The following NRG1 variants were observed in gnomAD, a reference collection of about 807,000 sequenced individuals.
NRG1 encodes the protein pro-neuregulin-1, membrane-bound isoform.
NRG1 carries 18 observed loss-of-function variants against 63.8 expected under a neutral mutation model. The ratio of observed to expected loss-of-function variants is 0.28; its 90% CI spans 0.19 to 0.42. The LOEUF (loss-of-function observed/expected upper bound fraction) is 0.42. Among genes scored for constraint, NRG1 ranks in the 10% least tolerant of loss-of-function variants. NRG1 has a pLI of 1.00. For missense variants in NRG1, 762 were observed against 814.7 expected (o/e 0.94, Z 0.79); for synonymous variants, 302 against 301.3 (o/e 1.00, Z -0.02).
intron 1 of NRG1, among the ~76,000 whole-genome samples, chr8:32,039,890 G>C (rs1283212916): frequency 6.6e-6 from 1 of 152,044 alleles, no homozygotes; most frequent in Non-Finnish European, 1.5e-5. Context: ...CGGAAATGGT[G>C]GTGTGTGAAT....
chr8:32,455,295 A>G (rs1397893348), intron 1 of NRG1, among the ~76,000 whole-genome samples: 1 of 152,222 alleles, frequency 6.6e-6, no homozygotes, highest in Non-Finnish European at 1.5e-5. Context: ...TCCTACCAGC[A>G]TAACACCTGC....
At chr8:31,745,780 A>G (rs913005900) in intron 1 of NRG1, among the ~76,000 whole-genome samples, 2 of 152,002 alleles carry the variant, frequency 1.3e-5, no homozygotes, top group East Asian at 3.9e-4. Flanking sequence ...ATACCTGTAG[A>G]TAGTTAATAA....
intron 5 of NRG1, among the ~76,000 whole-genome samples, chr8:32,633,695 A>G (rs1466421744): frequency 6.6e-6 from 1 of 152,188 alleles, no homozygotes; most frequent in Non-Finnish European, 1.5e-5. Context: ...TAAATCTTCC[A>G]CTAGAATTTA....
At chr8:32,036,914 C>A (rs2130578838) in intron 1 of NRG1, among the ~76,000 whole-genome samples, 1 of 152,282 alleles carries the variant, frequency 6.6e-6, no homozygotes, top group South Asian at 2.1e-4. Flanking sequence ...TATTACCCAT[C>A]TTCTGAAGCC....
intron 1 of NRG1, among the ~76,000 whole-genome samples, chr8:32,018,113 C>A (rs80110468): frequency 6.6e-6 from 1 of 152,110 alleles, no homozygotes; most frequent in Non-Finnish European, 1.5e-5. Context: ...TGTCAAAGAC[C>A]AGATACATGT....
At chr8:32,377,266 A>G (rs2347505) in intron 1 of NRG1, among the ~76,000 whole-genome samples, 112,167 of 152,136 alleles carry the variant, frequency 0.74, 42,087 homozygotes, top group Non-Finnish European at 0.81. Context: ...ATTTACCCAA[A>G]CTTCTGATAA....
chr8:32,615,502 C>A (rs1157581667), intron 4 of NRG1, among the ~76,000 whole-genome samples: 2 of 152,140 alleles, frequency 1.3e-5, no homozygotes, highest in African/African-American at 4.8e-5. Context: ...AATGTTAAGT[C>A]ATATACCTCA....
intron 1 of NRG1, among the ~76,000 whole-genome samples, chr8:32,376,230 A>C (rs532957345): frequency 6.6e-6 from 1 of 152,226 alleles, no homozygotes; most frequent in African/African-American, 2.4e-5. Flanking sequence ...CAGGCTTCCT[A>C]ATATTCAGAG....
chr8:31,690,293 G>C (rs138613187), intron 1 of NRG1, among the ~76,000 whole-genome samples: 1 of 152,260 alleles, frequency 6.6e-6, no homozygotes, highest in East Asian at 1.9e-4. Context: ...AGCAGCATGA[G>C]AATGGACTAA....
rs561001529 is a variant in NRG1 at position 32,656,708 on chromosome 8, A to G, written c.502+39823A>G. Among the ~76,000 whole-genome samples, 5 of 152,342 alleles carry G rather than the reference A, an allele frequency of 3.3e-5. No individual in the cohort carries two copies. The South Asian group carries it at 1.0e-3, about 32-fold the overall frequency. On this transcript the variant is annotated intron_variant, in intron 5 of 11. Transcript: ENST00000356819. Reference sequence around the variant, plus strand: ...AAATTGAACTCTAAATCAATACTGGAGCAATGAGGCAGCCCCTTCGAAGCA... The same window carrying G: ...AAATTGAACTCTAAATCAATACTGGGGCAATGAGGCAGCCCCTTCGAAGCA...
rs1433789583 is a variant in NRG1, at chr8:31,640,827, G to C, written c.37+1396G>C. On this transcript the variant is annotated intron_variant, in intron 1 of 10. Transcript: ENST00000519301. The surrounding 1 kb of genome is among the most constrained non-coding windows in gnomAD (Gnocchi z 6.3). ...TCGACGGCCGCCCGAGCAAGGCAGA[G>C]GCGCTCTGGGTCCCAGTTGTTGGTT... 7.1e-7 allele frequency: 1 copy of C among 1,414,278 alleles called. No homozygotes were observed. Among genetic ancestry groups the C allele is most frequent in the Non-Finnish European group, 9.2e-7 (1 of 1,086,728 alleles). The allele number at this position is 1,414,278 out of a possible 1,614,324, so 87.6% of individuals were successfully genotyped here.
intron 1 of NRG1, among the ~76,000 whole-genome samples, chr8:32,558,725 T>C (rs1261211710): frequency 1.3e-5 from 2 of 152,164 alleles, no homozygotes; most frequent in Non-Finnish European, 2.9e-5. Flanking sequence ...TTTGTGTCTG[T>C]GCATTTCATC....
chr8:32,716,821 CGT>C (rs67034958), intron 5 of NRG1, among the ~76,000 whole-genome samples: 108,131 of 149,778 alleles, frequency 0.72, 39,199 homozygotes, highest in Middle Eastern at 0.81. Flanking sequence ...TGTGCATGTG[CGT>C]GTGTGTGTGT....
intron 5 of NRG1, among the ~76,000 whole-genome samples, chr8:32,681,759 G>A (rs1808697854): frequency 1.3e-5 from 2 of 152,088 alleles, no homozygotes; most frequent in Admixed American, 1.3e-4. Context: ...GAAACTGTCT[G>A]CAAATAAACA....
chr8:32,705,193 C>T (rs989829875), intron 5 of NRG1, among the ~76,000 whole-genome samples: 3 of 145,958 alleles, frequency 2.1e-5, no homozygotes, highest in African/African-American at 5.1e-5. Context: ...AGTGCAGTGG[C>T]GAGATCTCGC....
chr8:31,939,226 T>C (rs1801394439), intron 1 of NRG1, among the ~76,000 whole-genome samples: 1 of 152,170 alleles, frequency 6.6e-6, no homozygotes, highest in Admixed American at 6.5e-5. Flanking sequence ...GCAGAAACCC[T>C]ACAAGTTAGA....
Position 32,155,286 on chromosome 8 carries a change from G to T in NRG1, c.38-440542G>T, listed in dbSNP as rs1187891674. Among the ~76,000 whole-genome samples, 3 of 152,192 alleles carry T rather than the reference G, an allele frequency of 2.0e-5. No homozygotes were observed. The South Asian group carries it at 6.2e-4, about 32-fold the overall frequency. On this transcript the variant is annotated intron_variant, in intron 1 of 10. Coordinates refer to the NRG1 transcript ENST00000519301. ...TATTAATACTCTTGCTCCACAAAGAGACTAGATCAAATGGTCTCTAAATTT... is the reference window on the plus strand; with the variant it reads ...TATTAATACTCTTGCTCCACAAAGATACTAGATCAAATGGTCTCTAAATTT...
intron 1 of NRG1, among the ~76,000 whole-genome samples, chr8:31,876,030 AAAACAAAC>A (rs4035778): frequency 0.043 from 6,404 of 149,454 alleles, 452 homozygotes; most frequent in African/African-American, 0.14. Context: ...TCTGTCCTAA[AAAACAAAC>A]AAACAAACAA....
chr8:32,544,099 A>G (rs1390677363), upstream of NRG1, among the ~76,000 whole-genome samples: 1 of 152,158 alleles, frequency 6.6e-6, no homozygotes, highest in Non-Finnish European at 1.5e-5. Flanking sequence ...GATATTATGT[A>G]ACAGTATTAT....
Sources: gnomAD v4.1 joint callset for allele counts (sites outside exome capture counted in the v4.1 genomes callset) on GRCh38, gnomAD v4.1.1 for gene constraint, Gnocchi (gnomAD v3.1) non-coding constraint, MANE v1.5 for transcripts, NCBI Gene and HGNC (gene_info 2026-07-23, HGNC 2026-07-21) for gene names.